The following TKT variants were observed in gnomAD, a reference collection of about 807,000 sequenced individuals.
The protein encoded by TKT is transketolase, also known as epididymis luminal protein 107.
TKT carries 47 observed loss-of-function variants against 63.9 expected under a neutral mutation model. The observed-to-expected ratio is 0.74, with a 90% CI of 0.58 to 0.94. The LOEUF (loss-of-function observed/expected upper bound fraction) is 0.94. TKT is among the 40% of genes least tolerant of loss of function. The pLI is 0.00. For missense variants in TKT, 721 were observed against 846.2 expected (o/e 0.85, Z 1.84); for synonymous variants, 338 against 334.1 (o/e 1.01, Z -0.13).
intron 6 of TKT, chr3:53,231,764 C>A: frequency 1.8e-6 from 1 of 562,158 alleles, no homozygotes; most frequent in Non-Finnish European, 3.1e-6. Context: ...TCACTGTCTA[C>A]TGCCTGGTCC....
Position 53,255,975 on chromosome 3 carries a change from G to A in TKT, c.-33C>T. ...CAGGCGGGGACCGGGCGCACACGCG[G>A]ACACACAGAGATAGCGGCTGCTCCC... On this transcript the variant is annotated 5_prime_UTR_variant, in exon 1 of 14. Transcript: ENST00000462138. 2.8e-6 allele frequency: 4 copies of A among 1,442,798 alleles called. No individual in the cohort carries two copies. The highest frequency in any genetic ancestry group is 2.9e-5 in the East Asian group (1 of 34,930). The allele number at this position is 1,442,798 out of a possible 1,614,324, so 89.4% of individuals were successfully genotyped here.
chr3:53,234,883 A>G, intron 5 of TKT, 100 bp downstream of exon 5: 2 of 1,269,476 alleles, frequency 1.6e-6, no homozygotes, highest in South Asian at 3.2e-5. Context: ...GATGGTGCTT[A>G]AGGTCCCAGC....
At chr3:53,229,192 G>A (rs1421792383) in intron 9 of TKT, 55 bp from the exon 10 acceptor site, 3 of 1,613,036 alleles carry the variant, frequency 1.9e-6, no homozygotes, top group East Asian at 4.5e-5. Flanking sequence ...CCCCATCCAT[G>A]GGCTGGAATC....
At chr3:53,226,467 A>C in intron 13 of TKT, 1 of 426,278 alleles carries the variant, frequency 2.3e-6, no homozygotes, top group Non-Finnish European at 4.3e-6. Flanking sequence ...CTTCCACCCT[A>C]CACTACCTCA....
chr3:53,247,438 C>T (rs1553681113), intron 1 of TKT, among the ~76,000 whole-genome samples: 3 of 150,952 alleles, frequency 2.0e-5, no homozygotes, highest in Admixed American at 6.6e-5. Flanking sequence ...AGTTCAAGAC[C>T]GGCCTGGCCA....
At chr3:53,233,098 G>A (rs181771936) in intron 6 of TKT, 58 bp downstream of exon 6, 114 of 1,462,114 alleles carry the variant, frequency 7.8e-5, no homozygotes, top group East Asian at 4.4e-4. Flanking sequence ...TCAGAGCTAC[G>A]TAGCCACAGT....
chr3:53,254,161 A>G lies in TKT; in HGVS notation c.107+1675T>C, dbSNP rs78093026. Among the ~76,000 whole-genome samples the G allele has an allele frequency of 4.9e-3, 750 of 152,338 alleles. 2 individuals carry two copies. Among genetic ancestry groups the G allele is most frequent in the Non-Finnish European group, 8.3e-3 (563 of 68,034 alleles). On this transcript the variant is annotated intron_variant, in intron 1 of 13. Coordinates refer to ENST00000462138, the MANE Select transcript of TKT (RefSeq NM_001064.4). ...AGCCCTGAAAGATGCTCAGATGTGC[A>G]ATACTACTTAGTTGGGTAATTGCTG...
At chr3:53,233,040 C>T in intron 6 of TKT, 116 bp downstream of exon 6, 9 of 855,998 alleles carry the variant, frequency 1.1e-5, no homozygotes, top group Non-Finnish European at 1.7e-5. Flanking sequence ...TTCCCTGGAG[C>T]CTGGTGAGCT....
intron 1 of TKT, among the ~76,000 whole-genome samples, chr3:53,246,639 G>A (rs924433799): frequency 5.9e-5 from 9 of 152,104 alleles, no homozygotes; most frequent in Non-Finnish European, 1.3e-4. Flanking sequence ...GATCACCTGA[G>A]GTCATGAGTT....
intron 6 of TKT, chr3:53,231,760 T>A: frequency 1.8e-6 from 1 of 569,552 alleles, no homozygotes; most frequent in Non-Finnish European, 3.1e-6. Context: ...CCACTCACTG[T>A]CTACTGCCTG....
Position 53,235,149 on chromosome 3 carries a change from C to T in TKT, c.463G>A (p.Asp155Asn), listed in dbSNP as rs782349868. 1 of 1,612,742 alleles carries T rather than the reference C, an allele frequency of 6.2e-7. No homozygotes were observed. The highest frequency in any genetic ancestry group is 8.5e-7 in the Non-Finnish European group (1 of 1,179,480). Residue 155 changes from aspartate (D) to asparagine (N), a missense_variant, in exon 5 of 14, where the codon GAC becomes AAC. Transcript: ENST00000462138. The stretch of plus-strand genomic sequence containing the variant: ...ACAGAGCCCTCTGACAGCTCCCCGT[C>T]TCCCAGCAAGCAATAGACTCGGTAG... ...ASYRVYCLLGDGELSEGSVWE... is the reference protein window; with the variant it reads ...ASYRVYCLLGNGELSEGSVWE...
At chr3:53,236,442 G>A (rs1303231185) in intron 4 of TKT, among the ~76,000 whole-genome samples, 2 of 152,212 alleles carry the variant, frequency 1.3e-5, no homozygotes, top group African/African-American at 4.8e-5. Context: ...CACAGGAGGT[G>A]GTGCCCCTGT....
intron 4 of TKT, 79 bp downstream of exon 4, chr3:53,240,172 G>T (rs1359365239): frequency 7.3e-7 from 1 of 1,367,964 alleles, no homozygotes. Flanking sequence ...AAGAGTCTGG[G>T]GGCGATGGTG....
chr3:53,245,174 T>C (rs1231977780), intron 1 of TKT, among the ~76,000 whole-genome samples: 1 of 151,562 alleles, frequency 6.6e-6, no homozygotes, highest in African/African-American at 2.4e-5. Flanking sequence ...GGTGTGGTGG[T>C]GGACGCCTGT....
At chr3:53,235,448 G>T (rs1553678387) in intron 4 of TKT, 1 of 335,066 alleles carries the variant, frequency 3.0e-6, no homozygotes, top group Non-Finnish European at 5.5e-6. Context: ...GGACAACAGG[G>T]ATCTGGCTAA....
intron 10 of TKT, chr3:53,228,596 G>A: frequency 1.9e-6 from 1 of 540,250 alleles, no homozygotes; most frequent in Non-Finnish European, 3.3e-6. Flanking sequence ...CAGGTAGACT[G>A]GCTGCAGGTG....
At chr3:53,235,489 TGA>T (rs1704982862) in intron 4 of TKT, 1 of 216,962 alleles carries the variant, frequency 4.6e-6, no homozygotes, top group Non-Finnish European at 9.1e-6. Flanking sequence ...GTTGTTGGAA[TGA>T]GAGGAAAGTG....
chr3:53,248,883 C>A (rs1464340408), intron 1 of TKT, among the ~76,000 whole-genome samples: 1 of 152,160 alleles, frequency 6.6e-6, no homozygotes, highest in Non-Finnish European at 1.5e-5. Flanking sequence ...TGTAGTAAAT[C>A]TCTGCAAATT....
Position 53,234,949 on chromosome 3 carries a change from T to C in TKT, c.629+34A>G, listed in dbSNP as rs200152166. 2,443 of 1,578,744 alleles carry C rather than the reference T, an allele frequency of 1.5e-3. 4 individuals carry two copies. The highest frequency in any genetic ancestry group is 5.5e-3 in the Middle Eastern group (31 of 5,652). On this transcript the variant is annotated intron_variant, in intron 5 of 13. Coordinates refer to ENST00000462138, the MANE Select transcript of TKT (RefSeq NM_001064.4). ...GTGATCACAGACCACTCTCCCGTGCTGTGACCACACTCAGGCCACAGCCTC... is the reference window on the plus strand; with the variant it reads ...GTGATCACAGACCACTCTCCCGTGCCGTGACCACACTCAGGCCACAGCCTC...
Sources: gnomAD v4.1 joint callset for allele counts (sites outside exome capture counted in the v4.1 genomes callset) on GRCh38, gnomAD v4.1.1 for gene constraint, MANE v1.5 for transcripts, NCBI Gene and HGNC (gene_info 2026-07-23, HGNC 2026-07-21) for gene names.